Variants in CELF2 observed in about 807,000 individuals in gnomAD.
CELF2 encodes CUGBP Elav-like family member 2.
CELF2 carries 8 observed loss-of-function variants against 62.6 expected under a neutral mutation model. That is an observed-to-expected ratio of 0.13 (90% confidence interval 0.07 to 0.23). CELF2 has a LOEUF of 0.23. CELF2 is among the 10% of genes least tolerant of loss of function. The pLI, the probability that CELF2 is intolerant of heterozygous loss-of-function variation, is 1.00. For missense variants in CELF2, 333 were observed against 671.0 expected, an observed-to-expected ratio of 0.50 and a Z score of 5.56; for synonymous variants, 258 against 250.0, an observed-to-expected ratio of 1.03 and a Z score of -0.30.
At chr10:10,585,401 T>C in the CELF2 span, among the ~76,000 whole-genome samples, 1 of 151,418 alleles carries the variant, frequency 6.6e-6, no homozygotes, top group East Asian at 2.0e-4. Context: ...CACCTTTCTC[T>C]ACCTTGGGTC....
chr10:11,115,955 G>A (rs1162920641), intron 1 of CELF2, among the ~76,000 whole-genome samples: 2 of 152,130 alleles, frequency 1.3e-5, no homozygotes, highest in Non-Finnish European at 2.9e-5. Flanking sequence ...TTGACAATTG[G>A]TATGTGAAGA....
rs11386664 is a variant in CELF2, at chr10:10,905,582, T to TAA, written c.54-14370_54-14369dup. Among the ~76,000 whole-genome samples, 598 of 143,870 alleles carry TAA rather than the reference T, an allele frequency of 4.2e-3. 6 individuals are homozygous for TAA. The highest frequency in any genetic ancestry group is 0.014 in the African/African-American group (539 of 39,010). 94.4% of individuals were successfully genotyped at this position (143,870 alleles called of 152,430 possible). A position where few individuals can be genotyped will look rare whatever the true frequency, so the allele number is the denominator to read the frequency against. On this transcript the variant is annotated intron_variant, in intron 1 of 13. Transcript: ENST00000636488. ...AACATGGCAAACCCCCATCTCTACT[T>TAA]AAAAAAAAAAAAAGGGCTGGGCGTG...
rs1030195542 is a variant in CELF2, at chr10:10,815,492, C to G, written c.53+16675C>G. 2.0e-5 allele frequency among the ~76,000 whole-genome samples: 3 copies of G among 152,204 alleles called. 1 individual carries two copies. The highest frequency in any genetic ancestry group is 4.1e-4 in the South Asian group (2 of 4,830). Reference sequence around the variant, plus strand: ...AAAACCTGTTTGCCTGGTTCCCAGACTAGCCCTGTTCTGCTGTCTTCCCTC... The same window carrying G: ...AAAACCTGTTTGCCTGGTTCCCAGAGTAGCCCTGTTCTGCTGTCTTCCCTC... On this transcript the variant is annotated intron_variant, in intron 1 of 13. Coordinates refer to the CELF2 transcript ENST00000636488.
intron 7 of CELF2, among the ~76,000 whole-genome samples, chr10:11,272,786 T>C (rs1428786420): frequency 6.6e-6 from 1 of 152,226 alleles, no homozygotes; most frequent in Non-Finnish European, 1.5e-5. Flanking sequence ...TGACCCTGGC[T>C]CACCAGAGGT....
the CELF2 span, among the ~76,000 whole-genome samples, chr10:10,559,145 T>TTTTAA: frequency 1.3e-5 from 2 of 152,192 alleles, no homozygotes; most frequent in South Asian, 2.1e-4. Flanking sequence ...AGCGGGCAAA[T>TTTTAA]TTAAATAACC....
At chr10:10,545,099 C>T in the CELF2 span, among the ~76,000 whole-genome samples, 3 of 152,178 alleles carry the variant, frequency 2.0e-5, no homozygotes, top group Admixed American at 6.5e-5. Context: ...CGCAAGTCCT[C>T]GGCTCTTGTG....
chr10:11,107,843 C>G lies in CELF2; in HGVS notation c.75-57643C>G, dbSNP rs963959166. 1.8e-4 allele frequency among the ~76,000 whole-genome samples: 20 copies of G among 109,860 alleles called. 1 individual carries two copies. Among genetic ancestry groups the G allele is most frequent in the African/African-American group, 7.1e-4 (20 of 28,084 alleles). 72.1% of individuals were successfully genotyped at this position (109,860 alleles called of 152,430 possible). A position where few individuals can be genotyped will look rare whatever the true frequency, so the allele number is the denominator to read the frequency against. ...TTCCCCCTCCTCCCTCCTCTGCCCC[C>G]TATTTCTCCCCATCCCTTCTACCAT... On this transcript the variant is annotated intron_variant, in intron 1 of 12. Transcript: ENST00000633077.
chr10:10,996,933 C>T lies in CELF2; in HGVS notation c.89+76934C>T, dbSNP rs142667431. ...GACCCTGTTTTACCTTTTTTGGTTG[C>T]CTTCTTGGTCAACAGTATCATCATT... On this transcript the variant is annotated intron_variant, in intron 2 of 13. Coordinates refer to the CELF2 transcript ENST00000636488. Among the ~76,000 whole-genome samples, 1,260 of 152,180 alleles carry T rather than the reference C, an allele frequency of 8.3e-3. 9 individuals carry two copies. Among genetic ancestry groups the T allele is most frequent in the Middle Eastern group, 0.024 (7 of 294 alleles).
chr10:11,059,999 G>A (rs935630781), intron 1 of CELF2, among the ~76,000 whole-genome samples: 5 of 152,212 alleles, frequency 3.3e-5, no homozygotes, highest in African/African-American at 1.2e-4. Context: ...TTATTTAAAA[G>A]TGTATCAGAA....
At chr10:10,592,884 T>C in the CELF2 span, among the ~76,000 whole-genome samples, 4 of 152,120 alleles carry the variant, frequency 2.6e-5, no homozygotes, top group African/African-American at 7.2e-5. Context: ...AGCGTGGTGA[T>C]AGGGATTTTG....
Position 11,255,105 on chromosome 10 carries a change from G to A in CELF2, c.404-2633G>A, listed in dbSNP as rs770665496. ...GGTGTCTCTCTGGCTTAGCTGTCGC[G>A]CCTGTGCTGCCCATGACTGACCAGG... On this transcript the variant is annotated intron_variant, in intron 4 of 12. Transcript: ENST00000633077. The surrounding 1 kb of genome is among the most constrained non-coding windows in gnomAD (Gnocchi z 5.5). Among the ~76,000 whole-genome samples, 3 of 152,198 alleles carry A rather than the reference G, an allele frequency of 2.0e-5. No individual in the cohort carries two copies. The highest frequency in any genetic ancestry group is 3.8e-4 in the East Asian group (2 of 5,200).
At chr10:10,811,869 G>C (rs2055932255) in intron 1 of CELF2, among the ~76,000 whole-genome samples, 1 of 152,130 alleles carries the variant, frequency 6.6e-6, no homozygotes, top group African/African-American at 2.4e-5. Context: ...GTTGAGAAGA[G>C]GGCTGCAAGG....
intron 2 of CELF2, among the ~76,000 whole-genome samples, chr10:10,987,255 C>CT (rs61536690): frequency 0.047 from 6,778 of 145,760 alleles, 179 homozygotes; most frequent in Non-Finnish European, 0.063. Flanking sequence ...CTCTAGAGAT[C>CT]TTTTTTTTTT....
chr10:11,288,366 CTG>C (rs2091860032), intron 8 of CELF2, 50 bp from the exon 9 acceptor site: 1 of 1,602,180 alleles, frequency 6.2e-7, no homozygotes. Context: ...TGTTTGGAAA[CTG>C]TAGAAGTGTG....
intron 2 of CELF2, among the ~76,000 whole-genome samples, chr10:11,202,947 C>G (rs1320591012): frequency 4.6e-4 from 24 of 52,642 alleles, no homozygotes; most frequent in Non-Finnish European, 7.9e-4. Flanking sequence ...CTCTCTCTCT[C>G]TCTCTGTGTG....
intron 1 of CELF2, among the ~76,000 whole-genome samples, chr10:10,850,086 T>G (rs931183410): frequency 6.6e-6 from 1 of 151,838 alleles, no homozygotes; most frequent in East Asian, 1.9e-4. Flanking sequence ...GAGGCGGAGA[T>G]TGCAGTGAGC....
intron 2 of CELF2, among the ~76,000 whole-genome samples, chr10:11,213,165 C>G (rs2062375885): frequency 1.3e-5 from 2 of 152,190 alleles, no homozygotes; most frequent in African/African-American, 4.8e-5. Flanking sequence ...AGAATGAATT[C>G]TGAAGCCCAA....
chr10:10,888,366 T>C (rs573475731), intron 1 of CELF2, among the ~76,000 whole-genome samples: 2 of 152,296 alleles, frequency 1.3e-5, no homozygotes, highest in South Asian at 2.1e-4. Flanking sequence ...CTGAATTCTC[T>C]TGGGGGATGA....
At chr10:11,100,276 A>G (rs1416998879) in intron 1 of CELF2, among the ~76,000 whole-genome samples, 1 of 152,090 alleles carries the variant, frequency 6.6e-6, no homozygotes, top group Non-Finnish European at 1.5e-5. Flanking sequence ...AAGGCCAACA[A>G]GTTGATGATG....
Sources: gnomAD v4.1 joint callset for allele counts (sites outside exome capture counted in the v4.1 genomes callset) on GRCh38, gnomAD v4.1.1 for gene constraint, Gnocchi (gnomAD v3.1) non-coding constraint, MANE v1.5 for transcripts, NCBI Gene and HGNC (gene_info 2026-07-23, HGNC 2026-07-21) for gene names.